CADM2: variants seen among roughly 807,000 people sequenced by gnomAD.
CADM2 encodes cell adhesion molecule 2.
Under a neutral mutation model 49.8 loss-of-function variants are expected in CADM2, and 12 were observed. That is an observed-to-expected ratio of 0.24 (90% CI 0.15 to 0.39). The LOEUF (loss-of-function observed/expected upper bound fraction) is 0.39, where lower values mean the gene tolerates loss of function less well. Among genes scored for constraint, CADM2 ranks in the 10% least tolerant of loss-of-function variants. CADM2 has a pLI of 1.00. For synonymous variants in CADM2, 214 were observed against 175.4 expected (o/e 1.22, Z -1.74); for missense variants, 378 against 492.3 (o/e 0.77, Z 2.20).
At chr3:85,506,438 T>C (rs1355883794) in intron 1 of CADM2, among the ~76,000 whole-genome samples, 1 of 152,218 alleles carries the variant, frequency 6.6e-6, no homozygotes, top group Non-Finnish European at 1.5e-5. Context: ...CCAGCCTTAT[T>C]CCTGATAGTT....
intron 1 of CADM2, among the ~76,000 whole-genome samples, chr3:85,212,261 A>G (rs1459722116): frequency 1.3e-5 from 2 of 152,112 alleles, no homozygotes; most frequent in Non-Finnish European, 2.9e-5. Context: ...AGTTTAGTCC[A>G]TTCACATTCA....
At chr3:85,510,744 A>G (rs1052225365) in intron 1 of CADM2, among the ~76,000 whole-genome samples, 2 of 152,154 alleles carry the variant, frequency 1.3e-5, no homozygotes, top group East Asian at 1.9e-4. Flanking sequence ...GATTAGTTCA[A>G]TTAGTCTTTC....
At chr3:85,531,535 T>C (rs1454883310) in intron 1 of CADM2, among the ~76,000 whole-genome samples, 1 of 152,226 alleles carries the variant, frequency 6.6e-6, no homozygotes. Flanking sequence ...TGGATATTTT[T>C]ATTTTGAGTG....
chr3:85,068,704 A>G (rs990964346), intron 1 of CADM2, among the ~76,000 whole-genome samples: 1 of 152,182 alleles, frequency 6.6e-6, no homozygotes, highest in Admixed American at 6.6e-5. Flanking sequence ...ATGCTTTGAG[A>G]ACATCTGTAA....
At chr3:85,165,347 A>G (rs2040440600) in intron 1 of CADM2, among the ~76,000 whole-genome samples, 1 of 151,972 alleles carries the variant, frequency 6.6e-6, no homozygotes, top group Non-Finnish European at 1.5e-5. Flanking sequence ...AAATCTTTAA[A>G]GAGTAATACT....
intron 8 of CADM2, among the ~76,000 whole-genome samples, chr3:86,051,767 A>G (rs920394028): frequency 1.3e-5 from 2 of 152,098 alleles, no homozygotes; most frequent in Admixed American, 6.6e-5. Context: ...GGTGCTACAC[A>G]CTTTGAAACA....
At chr3:85,442,883 A>G (rs1453191849) in intron 1 of CADM2, among the ~76,000 whole-genome samples, 2 of 151,738 alleles carry the variant, frequency 1.3e-5, no homozygotes, top group Non-Finnish European at 2.9e-5. Context: ...GGATTTAGGT[A>G]AATATAGATG....
At chr3:85,952,497 T>C (rs562691946) in intron 7 of CADM2, among the ~76,000 whole-genome samples, 189 of 151,168 alleles carry the variant, frequency 1.3e-3, no homozygotes, top group Admixed American at 2.1e-3. Context: ...CTTGGTTTTC[T>C]TGTAACACTT....
intron 1 of CADM2, among the ~76,000 whole-genome samples, chr3:85,093,343 T>C (rs2037672148): frequency 6.6e-6 from 1 of 152,050 alleles, no homozygotes; most frequent in Non-Finnish European, 1.5e-5. Context: ...AAACCCCACC[T>C]CTACTAAAAC....
intron 1 of CADM2, among the ~76,000 whole-genome samples, chr3:85,097,381 T>G (rs1388735006): frequency 6.6e-6 from 1 of 152,246 alleles, no homozygotes; most frequent in Non-Finnish European, 1.5e-5. Context: ...TGCCACATTT[T>G]CTTAATCCAG....
At chr3:85,819,102 G>C (rs1048823123) in intron 3 of CADM2, among the ~76,000 whole-genome samples, 1 of 152,162 alleles carries the variant, frequency 6.6e-6, no homozygotes, top group Non-Finnish European at 1.5e-5. Context: ...AACCACTGGT[G>C]TAAGTCCAAG....
chr3:85,529,436 G>T (rs1391591189), intron 1 of CADM2, among the ~76,000 whole-genome samples: 1 of 152,168 alleles, frequency 6.6e-6, no homozygotes, highest in African/African-American at 2.4e-5. Context: ...TCCATTGATT[G>T]CTTCTGCCAA....
intron 1 of CADM2, among the ~76,000 whole-genome samples, chr3:85,488,633 G>T (rs2107641635): frequency 6.6e-6 from 1 of 152,214 alleles, no homozygotes; most frequent in South Asian, 2.1e-4. Context: ...CCTGGTTCAA[G>T]AAATTCTCCT....
chr3:85,175,523 C>A (rs1016599167), intron 1 of CADM2, among the ~76,000 whole-genome samples: 1 of 152,098 alleles, frequency 6.6e-6, no homozygotes, highest in Non-Finnish European at 1.5e-5. Context: ...TTGCATATTC[C>A]TCTTGCACGA....
At chr3:85,859,256 G>T (rs1364097647) in intron 3 of CADM2, among the ~76,000 whole-genome samples, 5 of 99,426 alleles carry the variant, frequency 5.0e-5, no homozygotes, top group Non-Finnish European at 7.7e-5. Context: ...TTTTTGAGAC[G>T]GAGTCTCACT....
chr3:85,649,206 A>G (rs1005073340), intron 1 of CADM2, among the ~76,000 whole-genome samples: 1 of 152,166 alleles, frequency 6.6e-6, no homozygotes, highest in Non-Finnish European at 1.5e-5. Context: ...CTTCATTTTT[A>G]TTACAATGGC....
intron 1 of CADM2, among the ~76,000 whole-genome samples, chr3:85,145,956 G>A (rs966524953): frequency 6.6e-6 from 1 of 152,088 alleles, no homozygotes; most frequent in African/African-American, 2.4e-5. Context: ...TTCCAGTTTG[G>A]CATAAAAGGT....
At chr3:85,685,814 C>T (rs1477032392) in intron 1 of CADM2, among the ~76,000 whole-genome samples, 3 of 150,218 alleles carry the variant, frequency 2.0e-5, no homozygotes, top group African/African-American at 4.9e-5. Context: ...CTAGTAGAAA[C>T]GGAGTTTCAT....
chr3:85,414,012 G>A (rs966863461), intron 1 of CADM2, among the ~76,000 whole-genome samples: 3 of 151,990 alleles, frequency 2.0e-5, no homozygotes, highest in Non-Finnish European at 2.9e-5. Context: ...TTATAGGCCT[G>A]TGCCACCACG....
Sources: allele counts gnomAD v4.1 joint callset (sites outside exome capture counted in the v4.1 genomes callset), GRCh38; gene constraint gnomAD v4.1.1; transcripts MANE v1.5; gene names NCBI Gene and HGNC (gene_info 2026-07-23, HGNC 2026-07-21).